Variants in PRDM5 observed in about 807,000 individuals in gnomAD.
PRDM5 encodes PR domain zinc finger protein 5.
A neutral mutation model predicts 81.2 loss-of-function variants in PRDM5; 56 were observed. The ratio of observed to expected loss-of-function variants is 0.69; its 90% CI spans 0.56 to 0.86. The LOEUF is 0.86. Among genes scored for constraint, PRDM5 ranks in the 40% least tolerant of loss-of-function variants. The pLI is 0.00. For synonymous variants in PRDM5, 267 were observed against 256.4 expected, an observed-to-expected ratio of 1.04 and a Z score of -0.39; for missense variants, 697 against 770.1, an observed-to-expected ratio of 0.91 and a Z score of 1.12.
At chr4:120,734,906 C>T (rs1578520608) in intron 14 of PRDM5, among the ~76,000 whole-genome samples, 1 of 152,310 alleles carries the variant, frequency 6.6e-6, no homozygotes, top group African/African-American at 2.4e-5. Context: ...CATGCTTTAT[C>T]TCGTTGTCTT....
At chr4:120,724,230 G>A (rs898920642) in intron 14 of PRDM5, among the ~76,000 whole-genome samples, 17 of 151,994 alleles carry the variant, frequency 1.1e-4, no homozygotes, top group African/African-American at 3.9e-4. Flanking sequence ...GTCTCCATGC[G>A]GTATTAGGCA....
intron 14 of PRDM5, among the ~76,000 whole-genome samples, chr4:120,738,171 A>G (rs1198082303): frequency 6.6e-6 from 1 of 152,254 alleles, no homozygotes; most frequent in Non-Finnish European, 1.5e-5. Context: ...AATCTTAAGC[A>G]GAGATCACCC....
intron 14 of PRDM5, among the ~76,000 whole-genome samples, chr4:120,739,519 CT>C (rs1741601699): frequency 6.6e-6 from 1 of 152,174 alleles, no homozygotes; most frequent in South Asian, 2.1e-4. Context: ...GCCAATGCCT[CT>C]AGTCAGTTCA....
At chr4:120,726,791 G>C (rs896458122) in intron 14 of PRDM5, among the ~76,000 whole-genome samples, 1 of 152,170 alleles carries the variant, frequency 6.6e-6, no homozygotes. Flanking sequence ...GGGTGGGATG[G>C]AGAGTGATAG....
chr4:120,882,004 T>C (rs970833887), intron 2 of PRDM5, among the ~76,000 whole-genome samples: 1 of 152,254 alleles, frequency 6.6e-6, no homozygotes, highest in African/African-American at 2.4e-5. Flanking sequence ...AAAATATTTA[T>C]TGTGGGCCTC....
At chr4:120,893,439 A>G (rs190676764) in intron 2 of PRDM5, among the ~76,000 whole-genome samples, 2 of 152,280 alleles carry the variant, frequency 1.3e-5, no homozygotes, top group African/African-American at 4.8e-5. Flanking sequence ...AGCTGTCTCT[A>G]GTCCACCATT....
At chr4:120,770,521 C>T (rs916450505) in intron 13 of PRDM5, among the ~76,000 whole-genome samples, 23 of 149,162 alleles carry the variant, frequency 1.5e-4, no homozygotes, top group Admixed American at 4.0e-4. Flanking sequence ...CATAGTTTTA[C>T]GTGACATGGG....
In PRDM5 at chr4:120,872,585, C is replaced by T. The variant is rs1197427096; in HGVS notation, c.178-19045G>A. On this transcript the variant is annotated intron_variant, in intron 2 of 15. Transcript: ENST00000264808. ...GGGCAACATACCCTAATCTCTACAACAAAAATAAAAGATAAAAAATTAGCC... is the reference window on the plus strand; with the variant it reads ...GGGCAACATACCCTAATCTCTACAATAAAAATAAAAGATAAAAAATTAGCC... Among the ~76,000 whole-genome samples, 7 of 152,020 alleles carry T rather than the reference C, an allele frequency of 4.6e-5. No individual in the cohort carries two copies. In the South Asian group the frequency reaches 8.3e-4, roughly 18 times the overall value.
intron 14 of PRDM5, among the ~76,000 whole-genome samples, chr4:120,724,313 A>T (rs1739083822): frequency 6.6e-6 from 1 of 152,202 alleles, no homozygotes. Flanking sequence ...GAAGAGTACA[A>T]TGGATTAGTA....
intron 14 of PRDM5, among the ~76,000 whole-genome samples, chr4:120,741,592 G>C (rs866980453): frequency 1.1e-4 from 16 of 152,026 alleles, no homozygotes; most frequent in African/African-American, 3.4e-4. Context: ...AGCCGAAGCA[G>C]GGCCAGGCAT....
At chr4:120,910,364 G>A (rs1372653964) in intron 1 of PRDM5, among the ~76,000 whole-genome samples, 2 of 152,150 alleles carry the variant, frequency 1.3e-5, no homozygotes, top group Non-Finnish European at 2.9e-5. Context: ...TTTATATTTG[G>A]CTTTAGATGA....
At chr4:120,764,402 A>C (rs776539755) in intron 13 of PRDM5, among the ~76,000 whole-genome samples, 1 of 152,174 alleles carries the variant, frequency 6.6e-6, no homozygotes, top group African/African-American at 2.4e-5. Context: ...AATCCAACCT[A>C]TGACAAACTT....
chr4:120,862,096 T>C (rs1760671719), intron 2 of PRDM5, among the ~76,000 whole-genome samples: 1 of 152,194 alleles, frequency 6.6e-6, no homozygotes, highest in African/African-American at 2.4e-5. Flanking sequence ...AGCATAAAAA[T>C]GCACCTAAGG....
Position 120,908,596 on chromosome 4 carries a change from C to T in PRDM5, c.94-1039G>A, listed in dbSNP as rs117789956. On this transcript the variant is annotated intron_variant, in intron 1 of 15. Transcript: ENST00000264808. The stretch of plus-strand genomic sequence containing the variant: ...ACAAATATTAATAGTTAACCCAGCC[C>T]CCTCATTTTACAGATGAAGAAAAGA... Among the ~76,000 whole-genome samples, 706 of 152,222 alleles carry T rather than the reference C, an allele frequency of 4.6e-3. 10 individuals carry two copies. Among genetic ancestry groups the T allele is most frequent in the East Asian group, 0.037 (194 of 5,184 alleles).
intron 8 of PRDM5, among the ~76,000 whole-genome samples, chr4:120,801,459 C>T (rs918785510): frequency 3.0e-4 from 46 of 152,236 alleles, no homozygotes; most frequent in African/African-American, 1.1e-3. Context: ...AGGTTGCCAA[C>T]CAGCCTCTGC....
At chr4:120,759,034 C>T (rs1038200835) in intron 13 of PRDM5, among the ~76,000 whole-genome samples, 5 of 151,712 alleles carry the variant, frequency 3.3e-5, no homozygotes, top group African/African-American at 1.2e-4. Context: ...GGATTACAGG[C>T]GTGAGCCACC....
chr4:120,902,141 A>G (rs1029419811), intron 2 of PRDM5, among the ~76,000 whole-genome samples: 6 of 152,224 alleles, frequency 3.9e-5, no homozygotes, highest in South Asian at 2.1e-4. Flanking sequence ...GAGCCAATAG[A>G]AAAGAGCTGT....
intron 2 of PRDM5, among the ~76,000 whole-genome samples, chr4:120,906,759 T>C (rs1765843830): frequency 6.6e-6 from 1 of 152,184 alleles, no homozygotes; most frequent in South Asian, 2.1e-4. Flanking sequence ...AAAGGTAAAG[T>C]ACATTTTAAG....
chr4:120,809,179 T>C (rs973107172), intron 8 of PRDM5, among the ~76,000 whole-genome samples: 2 of 145,348 alleles, frequency 1.4e-5, no homozygotes, highest in African/African-American at 5.2e-5. Context: ...CACTCATAGG[T>C]GGGAACTGAA....
Sources: gnomAD v4.1 joint callset for allele counts (sites outside exome capture counted in the v4.1 genomes callset) on GRCh38, gnomAD v4.1.1 for gene constraint, MANE v1.5 for transcripts, NCBI Gene and HGNC (gene_info 2026-07-23, HGNC 2026-07-21) for gene names.